SGK3: variants seen among roughly 807,000 people sequenced by gnomAD.
SGK3 encodes serum/glucocorticoid regulated kinase family member 3.
A neutral mutation model predicts 68.5 loss-of-function variants in SGK3; 47 were observed. The ratio of observed to expected loss-of-function variants is 0.69; its 90% CI spans 0.54 to 0.87. The LOEUF is 0.87. Ranked by LOEUF, SGK3 falls within the 40% of genes least tolerant of loss-of-function variation. The pLI is 0.00. For synonymous variants in SGK3, 181 were observed against 189.1 expected (o/e 0.96, Z 0.35); for missense variants, 479 against 575.5 (o/e 0.83, Z 1.72).
At chr8:66,803,523 G>A (rs1259775851) in intron 3 of SGK3, among the ~76,000 whole-genome samples, 1 of 141,324 alleles carries the variant, frequency 7.1e-6, no homozygotes, top group African/African-American at 2.9e-5. Context: ...ACATGTGTGT[G>A]TGTATTTTTG....
intron 7 of SGK3, among the ~76,000 whole-genome samples, 182 bp downstream of exon 7, chr8:66,828,885 C>T (rs1275314654): frequency 1.4e-5 from 2 of 144,778 alleles, no homozygotes; most frequent in Non-Finnish European, 3.0e-5. Context: ...TTTAGGATAG[C>T]CCTGAGGAAT....
At chr8:66,780,798 G>C (rs946641111) in intron 1 of SGK3, among the ~76,000 whole-genome samples, 11 of 152,262 alleles carry the variant, frequency 7.2e-5, no homozygotes, top group African/African-American at 2.6e-4. Context: ...GCCGTGGAAA[G>C]GGGGTTAAGC....
Position 66,841,621 on chromosome 8 carries a change from CTT to C in SGK3, c.978+512_978+513del, listed in dbSNP as rs201526632. Among the ~76,000 whole-genome samples the C allele has an allele frequency of 7.5e-3, 1,147 of 152,242 alleles. 18 individuals carry two copies. The highest frequency in any genetic ancestry group is 0.025 in the African/African-American group (1,023 of 41,558). ...AAGCAAATATGGCAAAATATTAACA[CTT>C]GACTATATCTCAGTTGCAGTTTATT... On this transcript the variant is annotated intron_variant, in intron 13 of 16. Transcript: ENST00000521198.
chr8:66,744,502 TA>T (rs1563605553), intron 1 of SGK3, among the ~76,000 whole-genome samples: 1 of 34,166 alleles, frequency 2.9e-5, no homozygotes, highest in Admixed American at 3.7e-4. Context: ...TATATATATA[TA>T]TATATATATA....
At chr8:66,797,234 T>C (rs1434693487) in intron 2 of SGK3, among the ~76,000 whole-genome samples, 1 of 152,218 alleles carries the variant, frequency 6.6e-6, no homozygotes, top group Non-Finnish European at 1.5e-5. Context: ...TTCAAGAAAC[T>C]CACAATCATA....
At chr8:66,719,698 C>T (rs775951131) in intron 1 of SGK3, among the ~76,000 whole-genome samples, 23 of 152,164 alleles carry the variant, frequency 1.5e-4, no homozygotes, top group Middle Eastern at 3.4e-3. Flanking sequence ...TAGTATTCCG[C>T]TTTATAATTG....
intron 14 of SGK3, among the ~76,000 whole-genome samples, chr8:66,843,765 A>AG (rs1486296032): frequency 6.6e-6 from 1 of 152,184 alleles, no homozygotes; most frequent in Non-Finnish European, 1.5e-5. Context: ...AGGCCAAGGC[A>AG]GGCAGATCAC....
chr8:66,796,891 A>C (rs528157908), intron 2 of SGK3, among the ~76,000 whole-genome samples: 1 of 151,564 alleles, frequency 6.6e-6, no homozygotes, highest in Admixed American at 6.6e-5. Flanking sequence ...TGTATTAAGT[A>C]TTGTACTGTT....
chr8:66,843,397 A>G, intron 13 of SGK3, 55 bp from the exon 14 acceptor site: 6 of 1,537,444 alleles, frequency 3.9e-6, no homozygotes, highest in Middle Eastern at 4.6e-4. Flanking sequence ...ATTATTTATA[A>G]ATTTTGTCTT....
intron 4 of SGK3, among the ~76,000 whole-genome samples, chr8:66,813,527 G>A (rs1057435557): frequency 2.6e-5 from 4 of 151,850 alleles, no homozygotes; most frequent in African/African-American, 7.3e-5. Context: ...TGAGGAGTTG[G>A]ACAAAGCAAT....
intron 1 of SGK3, among the ~76,000 whole-genome samples, chr8:66,788,601 G>A (rs1807305029): frequency 6.6e-6 from 1 of 152,136 alleles, no homozygotes; most frequent in Admixed American, 6.5e-5. Context: ...GTAAAAACTG[G>A]CAGGCTCATA....
At chr8:66,852,583 A>G (rs1168923738) in intron 16 of SGK3, among the ~76,000 whole-genome samples, 1 of 152,128 alleles carries the variant, frequency 6.6e-6, no homozygotes, top group Non-Finnish European at 1.5e-5. Flanking sequence ...CCGGCCAGGA[A>G]TACTTTTTTA....
In SGK3 at chr8:66,844,015, A is replaced by C. The variant is rs895295554; in HGVS notation, c.1074+468A>C. On this transcript the variant is annotated intron_variant, in intron 14 of 16. Coordinates refer to ENST00000521198, the MANE Select transcript of SGK3 (RefSeq NM_001033578.3). The stretch of plus-strand genomic sequence containing the variant: ...TCTCAAAAAAAAAAAAAAAAAAAAA[A>C]AAAACCCTTTTTATTTGTTACTAGT... 8.6e-5 allele frequency among the ~76,000 whole-genome samples: 13 copies of C among 151,746 alleles called. No homozygotes were observed. In the South Asian group the frequency reaches 1.0e-3, roughly 12 times the overall value.
At position 66,745,892 on chromosome 8, in the gene SGK3, CT is replaced by C. The variant is rs1805641915; in HGVS notation, c.-122+33066del. On this transcript the variant is annotated intron_variant, in intron 1 of 16. Coordinates refer to ENST00000521198, the MANE Select transcript of SGK3 (RefSeq NM_001033578.3). ...GACAGTAAACCCTCTCCTACAAGCC[CT>C]TTTTTTAGTGGCAGTAGTCCTAAAC... is the stretch of plus-strand genomic sequence containing the variant. Among the ~76,000 whole-genome samples, 3 of 152,154 alleles carry C rather than the reference CT, an allele frequency of 2.0e-5. No homozygotes were observed. In the South Asian group the frequency reaches 6.2e-4, roughly 32 times the overall value.
At chr8:66,742,667 C>G (rs1384493989) in intron 1 of SGK3, among the ~76,000 whole-genome samples, 1 of 152,076 alleles carries the variant, frequency 6.6e-6, no homozygotes, top group African/African-American at 2.4e-5. Context: ...ATGCCTGGCT[C>G]TATATTTTTA....
chr8:66,714,043 ACT>A (rs1297602954), intron 1 of SGK3, among the ~76,000 whole-genome samples: 2 of 152,176 alleles, frequency 1.3e-5, no homozygotes, highest in Admixed American at 6.6e-5. Flanking sequence ...CCATCGGCTA[ACT>A]CTGGAGACAC....
chr8:66,785,321 C>A (rs543056032), intron 1 of SGK3, among the ~76,000 whole-genome samples: 1 of 152,220 alleles, frequency 6.6e-6, no homozygotes, highest in Non-Finnish European at 1.5e-5. Flanking sequence ...CTCTTCGTAG[C>A]TGAGGTTTCT....
In SGK3 at chr8:66,841,005, C is replaced by G; in HGVS notation, c.892-19C>G. 6.6e-7 allele frequency: 1 copy of G among 1,511,054 alleles called. No homozygotes were observed. Among genetic ancestry groups the G allele is most frequent in the South Asian group, 1.3e-5 (1 of 79,550 alleles). 93.6% of individuals were successfully genotyped at this position (1,511,054 alleles called of 1,614,324 possible). ...CATATTTATGCATTGTTTTATCTTA[C>G]TGCCCCTGTATTTGTCAGGGACATG... On this transcript the variant is annotated intron_variant, in intron 12 of 16. Transcript: ENST00000521198.
At chr8:66,772,717 C>T (rs556748539) in intron 1 of SGK3, among the ~76,000 whole-genome samples, 4 of 152,078 alleles carry the variant, frequency 2.6e-5, no homozygotes, top group Non-Finnish European at 5.9e-5. Context: ...CCTGCCACCA[C>T]GCCTGGCTAA....
Sources: gnomAD v4.1 joint callset for allele counts (sites outside exome capture counted in the v4.1 genomes callset) on GRCh38, gnomAD v4.1.1 for gene constraint, MANE v1.5 for transcripts, NCBI Gene and HGNC (gene_info 2026-07-23, HGNC 2026-07-21) for gene names.